SLC6A11: variants seen among roughly 807,000 people sequenced by gnomAD.
SLC6A11 encodes the protein sodium- and chloride-dependent GABA transporter 3.
Under a neutral mutation model 74.8 loss-of-function variants are expected in SLC6A11, and 25 were observed. The observed-to-expected ratio is 0.33, with a 90% CI of 0.24 to 0.47. SLC6A11 has a LOEUF of 0.47. Ranked by LOEUF, SLC6A11 falls within the 20% of genes least tolerant of loss-of-function variation. SLC6A11 has a pLI of 1.00. For synonymous variants in SLC6A11, 330 were observed against 330.2 expected (o/e 1.00, Z 0.01); for missense variants, 574 against 837.0 (o/e 0.69, Z 3.88).
chr3:10,930,809 C>CCTCACAT (rs780892036), intron 10 of SLC6A11, among the ~76,000 whole-genome samples: 26 of 152,126 alleles, frequency 1.7e-4, no homozygotes, highest in Admixed American at 4.6e-4. Flanking sequence ...CTGACTGAGG[C>CCTCACAT]CTCACATCTG....
At chr3:10,844,854 T>G (rs1225619868) in intron 5 of SLC6A11, among the ~76,000 whole-genome samples, 2 of 152,206 alleles carry the variant, frequency 1.3e-5, no homozygotes, top group Non-Finnish European at 2.9e-5. Flanking sequence ...CCTCCAGGGT[T>G]GCTGCCTCAC....
At chr3:10,877,421 T>G (rs1206858722) in intron 6 of SLC6A11, among the ~76,000 whole-genome samples, 1 of 152,218 alleles carries the variant, frequency 6.6e-6, no homozygotes, top group Non-Finnish European at 1.5e-5. Context: ...GGAGCGGGTA[T>G]GCAGACTGTG....
At chr3:10,895,030 G>A (rs1379609227) in intron 6 of SLC6A11, among the ~76,000 whole-genome samples, 1 of 152,134 alleles carries the variant, frequency 6.6e-6, no homozygotes, top group African/African-American at 2.4e-5. Flanking sequence ...TGATCCCCCA[G>A]GGCCTTGTCT....
intron 5 of SLC6A11, among the ~76,000 whole-genome samples, chr3:10,871,934 C>T (rs989519895): frequency 7.9e-5 from 12 of 152,152 alleles, no homozygotes; most frequent in Non-Finnish European, 4.4e-5. Flanking sequence ...AATAGTCCAG[C>T]CTTTCAGGTT....
At chr3:10,901,381 C>T (rs1011033355) in intron 6 of SLC6A11, among the ~76,000 whole-genome samples, 1 of 152,210 alleles carries the variant, frequency 6.6e-6, no homozygotes, top group African/African-American at 2.4e-5. Context: ...AAGGGGCCAC[C>T]GGGGTCGGCC....
intron 6 of SLC6A11, among the ~76,000 whole-genome samples, chr3:10,894,731 A>G (rs922839653): frequency 2.0e-5 from 3 of 152,226 alleles, no homozygotes; most frequent in Non-Finnish European, 4.4e-5. Flanking sequence ...GCATGGTGAC[A>G]TAGGCAATAA....
rs970540683 is a variant in SLC6A11 at position 10,878,305 on chromosome 3, C to G, written c.891+3210C>G. 2.2e-5 allele frequency among the ~76,000 whole-genome samples: 3 copies of G among 137,892 alleles called. No homozygotes were observed. The East Asian group carries it at 5.8e-4, about 27-fold the overall frequency. The allele number at this position is 137,892 out of a possible 152,430, so 90.5% of individuals were successfully genotyped here. Reference sequence around the variant, plus strand: ...CATCCAGTAGACATGGCCTTTCTACCCCAGGGCCTTCACATATGCTGTTTC... The same window carrying G: ...CATCCAGTAGACATGGCCTTTCTACGCCAGGGCCTTCACATATGCTGTTTC... On this transcript the variant is annotated intron_variant, in intron 6 of 13. Transcript: ENST00000254488.
rs1050711792 is a variant in SLC6A11, at chr3:10,816,321, G to A, written c.56G>A (p.Arg19Gln). Residue 19 changes from arginine (R) to glutamine (Q), a missense_variant, in exon 1 of 14, where the codon CGG (arginine) becomes CAG (glutamine). Coordinates refer to ENST00000254488, the MANE Select transcript of SLC6A11 (RefSeq NM_014229.3). This position sits in a 1 kb window ranked among gnomAD's most constrained non-coding sequence, Gnocchi z 4.2. ...AATGGGAAGGCTGCTGAGGAGGCGC[G>A]GGAGTCCGAGGCGCCGGGTGGCGGC... ...LGNGKAAEEA[R>Q]ESEAPGGGCS... 1 of 1,410,698 alleles carries A rather than the reference G, an allele frequency of 7.1e-7. No individual in the cohort carries two copies. The highest frequency in any genetic ancestry group is 9.2e-7 in the Non-Finnish European group (1 of 1,085,490). 87.4% of individuals were successfully genotyped at this position (1,410,698 alleles called of 1,614,324 possible).
chr3:10,869,057 C>T (rs1180658681), intron 5 of SLC6A11, among the ~76,000 whole-genome samples: 3 of 152,220 alleles, frequency 2.0e-5, no homozygotes, highest in Non-Finnish European at 4.4e-5. Context: ...CAGCCTGCTT[C>T]TTTATTCCTC....
chr3:10,913,227 C>A (rs1022267493), intron 7 of SLC6A11, among the ~76,000 whole-genome samples: 4 of 152,018 alleles, frequency 2.6e-5, no homozygotes, highest in African/African-American at 9.7e-5. Flanking sequence ...GAATGAAATA[C>A]TGATTTCAGA....
chr3:10,837,662 C>T (rs1575670888), intron 4 of SLC6A11, among the ~76,000 whole-genome samples: 1 of 152,202 alleles, frequency 6.6e-6, no homozygotes, highest in Non-Finnish European at 1.5e-5. Context: ...TGTTGACACC[C>T]TTATACCCCT....
At chr3:10,885,600 A>T (rs894091700) in intron 6 of SLC6A11, among the ~76,000 whole-genome samples, 2 of 91,924 alleles carry the variant, frequency 2.2e-5, no homozygotes, top group African/African-American at 1.1e-4. Flanking sequence ...CCCATGATAA[A>T]AAAAAAAAAA....
At chr3:10,917,342 T>C (rs1397823192) in intron 7 of SLC6A11, among the ~76,000 whole-genome samples, 1 of 152,140 alleles carries the variant, frequency 6.6e-6, no homozygotes, top group Admixed American at 6.5e-5. Context: ...AATGGCTGGC[T>C]CCTCATGCCT....
chr3:10,913,206 C>T (rs185528223), intron 7 of SLC6A11, among the ~76,000 whole-genome samples: 1 of 151,934 alleles, frequency 6.6e-6, no homozygotes, highest in East Asian at 1.9e-4. Flanking sequence ...AGAAAACCAC[C>T]CTATAAGTAG....
chr3:10,839,958 C>G (rs1453666712), intron 4 of SLC6A11, among the ~76,000 whole-genome samples: 1 of 152,134 alleles, frequency 6.6e-6, no homozygotes, highest in Admixed American at 6.5e-5. Flanking sequence ...CTCCAGTCAC[C>G]CATTCCTCTC....
At chr3:10,848,748 C>T (rs1694536873) in intron 5 of SLC6A11, among the ~76,000 whole-genome samples, 1 of 152,144 alleles carries the variant, frequency 6.6e-6, no homozygotes, top group Admixed American at 6.5e-5. Context: ...TTAGCTCCAG[C>T]ATTAAAAAAT....
intron 4 of SLC6A11, among the ~76,000 whole-genome samples, chr3:10,827,952 G>T (rs1694236904): frequency 6.6e-6 from 1 of 152,162 alleles, no homozygotes; most frequent in African/African-American, 2.4e-5. Flanking sequence ...GACTCTTATG[G>T]GGGTCCTACA....
At chr3:10,892,525 C>T (rs1228039998) in intron 6 of SLC6A11, among the ~76,000 whole-genome samples, 1 of 152,098 alleles carries the variant, frequency 6.6e-6, no homozygotes, top group African/African-American at 2.4e-5. Context: ...TGCCAGAGTT[C>T]CATCAGCTGT....
At chr3:10,912,671 G>A (rs189559604) in intron 7 of SLC6A11, among the ~76,000 whole-genome samples, 1 of 152,366 alleles carries the variant, frequency 6.6e-6, no homozygotes, top group Admixed American at 6.5e-5. Flanking sequence ...GTAGCTGGCT[G>A]CACCAGGGCT....
Sources: gnomAD v4.1 joint callset for allele counts (sites outside exome capture counted in the v4.1 genomes callset) on GRCh38, gnomAD v4.1.1 for gene constraint, Gnocchi (gnomAD v3.1) non-coding constraint, MANE v1.5 for transcripts, NCBI Gene and HGNC (gene_info 2026-07-23, HGNC 2026-07-21) for gene names.